The following FAM13C variants were observed in gnomAD, a reference collection of about 807,000 sequenced individuals.
FAM13C encodes protein FAM13C.
In FAM13C, 37 loss-of-function variants were observed where a neutral mutation model predicts 73.2. That is an observed-to-expected ratio of 0.51 (90% confidence interval 0.39 to 0.67). The LOEUF (loss-of-function observed/expected upper bound fraction) is 0.67, where lower values mean the gene tolerates loss of function less well. Among genes scored for constraint, FAM13C ranks in the 30% least tolerant of loss-of-function variants. FAM13C has a pLI of 0.00. For missense variants in FAM13C, 589 were observed against 715.6 expected (o/e 0.82, Z 2.02); for synonymous variants, 246 against 260.9 (o/e 0.94, Z 0.55).
At chr10:59,267,329 T>C (rs1001029845) in intron 8 of FAM13C, among the ~76,000 whole-genome samples, 13 of 152,238 alleles carry the variant, frequency 8.5e-5, no homozygotes, top group African/African-American at 3.1e-4. Context: ...CCTACTCATC[T>C]GTAATCCACT....
chr10:59,358,072 T>A (rs572156815), intron 1 of FAM13C, among the ~76,000 whole-genome samples: 3 of 152,258 alleles, frequency 2.0e-5, no homozygotes, highest in African/African-American at 7.2e-5. Context: ...ACTGAAATAT[T>A]TTGTTACCTC....
chr10:59,361,157 A>C, intron 1 of FAM13C: 6 of 1,228,108 alleles, frequency 4.9e-6, no homozygotes, highest in Non-Finnish European at 6.4e-6. Flanking sequence ...CAATCTTATA[A>C]ACAGAATGTG....
chr10:59,359,607 C>T (rs1328774045), intron 1 of FAM13C, among the ~76,000 whole-genome samples: 1 of 152,238 alleles, frequency 6.6e-6, no homozygotes, highest in East Asian at 1.9e-4. Flanking sequence ...AGCCCCACTA[C>T]ATCAACTCTC....
intron 13 of FAM13C, among the ~76,000 whole-genome samples, chr10:59,250,759 TC>T (rs1274692364): frequency 8.5e-5 from 13 of 152,234 alleles, no homozygotes; most frequent in African/African-American, 3.1e-4. Flanking sequence ...TCTCATTTCA[TC>T]TACTTAATAA....
intron 6 of FAM13C, among the ~76,000 whole-genome samples, chr10:59,277,434 C>T (rs1455498394): frequency 1.3e-5 from 2 of 152,126 alleles, no homozygotes; most frequent in East Asian, 1.9e-4. Flanking sequence ...CCCTTGTATA[C>T]TTTGCCCAGT....
intron 10 of FAM13C, among the ~76,000 whole-genome samples, chr10:59,261,518 C>T (rs2446719): frequency 0.75 from 114,251 of 152,054 alleles, 44,943 homozygotes; most frequent in East Asian, 0.9. Context: ...CATTCATCTG[C>T]TCATTTTTCC....
intron 4 of FAM13C, among the ~76,000 whole-genome samples, chr10:59,303,066 C>T (rs1181891645): frequency 1.3e-5 from 2 of 152,138 alleles, no homozygotes; most frequent in Non-Finnish European, 2.9e-5. Flanking sequence ...CCCTGGTCCC[C>T]TCTCCTACCA....
At chr10:59,302,287 A>T (rs945016089) in intron 5 of FAM13C, among the ~76,000 whole-genome samples, 1 of 152,236 alleles carries the variant, frequency 6.6e-6, no homozygotes, top group Non-Finnish European at 1.5e-5. Flanking sequence ...AAGCTAATTA[A>T]CATCATGATG....
chr10:59,257,182 T>C (rs1170782810), intron 10 of FAM13C, among the ~76,000 whole-genome samples: 1 of 152,186 alleles, frequency 6.6e-6, no homozygotes, highest in Non-Finnish European at 1.5e-5. Flanking sequence ...GAGAGGACCA[T>C]ATATAGGACA....
chr10:59,352,446 C>T lies in FAM13C; in HGVS notation c.148G>A (p.Asp50Asn), dbSNP rs749650675. ...TGCTCTTCTACCAGAGCCCCTGCGT[C>T]GGGGTAGTTCTCTTTATTGTTTTCA... is the stretch of plus-strand genomic sequence containing the variant. ...RDENNKENYPDAGALVEEHAP... is the reference protein window; with the variant it reads ...RDENNKENYPNAGALVEEHAP... The change falls in exon 3 of 14, where the codon GAC (aspartate) becomes AAC (asparagine). Residue 50 changes from aspartate (D) to asparagine (N), a missense_variant. Physicochemically the swap from Asp to Asn is conservative, Grantham distance 23. Transcript: ENST00000618804. 15 of 1,612,078 alleles carry T rather than the reference C, an allele frequency of 9.3e-6. No individual in the cohort carries two copies. Among genetic ancestry groups the T allele is most frequent in the Non-Finnish European group, 1.2e-5 (14 of 1,179,336 alleles).
chr10:59,309,210 G>A (rs1848645624), intron 4 of FAM13C, among the ~76,000 whole-genome samples: 1 of 151,934 alleles, frequency 6.6e-6, no homozygotes, highest in Non-Finnish European at 1.5e-5. Flanking sequence ...AATCATGTTT[G>A]TGTCTGTCCC....
At chr10:59,319,080 C>T (rs1376271630) in intron 4 of FAM13C, among the ~76,000 whole-genome samples, 1 of 112,096 alleles carries the variant, frequency 8.9e-6, no homozygotes, top group Non-Finnish European at 1.9e-5. Context: ...CAAACACACA[C>T]ACACACACAC....
At chr10:59,297,379 A>T (rs1847040874) in intron 5 of FAM13C, 1 of 152,226 alleles carries the variant, frequency 6.6e-6, no homozygotes, top group Admixed American at 6.5e-5. Context: ...CCTCACAGTT[A>T]GAAATGGGGA....
At chr10:59,298,564 T>C (rs894340542) in intron 5 of FAM13C, among the ~76,000 whole-genome samples, 29 of 152,270 alleles carry the variant, frequency 1.9e-4, no homozygotes, top group Middle Eastern at 3.4e-3. Context: ...ACCCAGAGCT[T>C]CAGTCTGCTC....
At chr10:59,311,136 G>A (rs900217936) in intron 4 of FAM13C, among the ~76,000 whole-genome samples, 12 of 152,160 alleles carry the variant, frequency 7.9e-5, no homozygotes, top group Admixed American at 6.5e-4. Flanking sequence ...AGCTGTCCTG[G>A]AAAAGGTACC....
intron 8 of FAM13C, among the ~76,000 whole-genome samples, chr10:59,264,522 T>A (rs1021357865): frequency 3.9e-5 from 6 of 152,160 alleles, no homozygotes; most frequent in Non-Finnish European, 7.4e-5. Flanking sequence ...AGCCCATATA[T>A]ACCCCATTGC....
In FAM13C at chr10:59,262,428, A is replaced by C; in HGVS notation, c.1236+6T>G. On this transcript the variant is annotated splice_donor_region_variant and intron_variant, in intron 10 of 13. Coordinates refer to ENST00000618804, the MANE Select transcript of FAM13C (RefSeq NM_198215.4). The stretch of plus-strand genomic sequence containing the variant: ...GCCCTCTATATAACAAGACATGGTG[A>C]TGTACCTTAGAATCCTCCTGGGGAG... 1 of 1,612,978 alleles carries C rather than the reference A, an allele frequency of 6.2e-7. No homozygotes were observed.
chr10:59,352,602 C>CTA, intron 2 of FAM13C, 128 bp from the exon 3 acceptor site: 1 of 929,206 alleles, frequency 1.1e-6, no homozygotes, highest in South Asian at 1.8e-5. Flanking sequence ...AATTTTTAGC[C>CTA]TACACTTAGA....
At chr10:59,275,762 C>G (rs1229915403) in intron 6 of FAM13C, among the ~76,000 whole-genome samples, 1 of 152,130 alleles carries the variant, frequency 6.6e-6, no homozygotes, top group Non-Finnish European at 1.5e-5. Flanking sequence ...TCTTCAAATT[C>G]AGAATTCTCA....
Sources: allele counts gnomAD v4.1 joint callset (sites outside exome capture counted in the v4.1 genomes callset), GRCh38; gene constraint gnomAD v4.1.1; transcripts MANE v1.5; gene names NCBI Gene and HGNC (gene_info 2026-07-23, HGNC 2026-07-21).